TRHDE: variants seen among roughly 807,000 people sequenced by gnomAD.
TRHDE encodes the protein thyrotropin releasing hormone degrading enzyme, also known as thyrotropin-releasing hormone-degrading ectoenzyme.
In TRHDE, 72 loss-of-function variants were observed where a neutral mutation model predicts 125.7. The observed-to-expected ratio is 0.57, with a 90% CI of 0.47 to 0.70. The LOEUF (loss-of-function observed/expected upper bound fraction) is 0.70, where lower values mean the gene tolerates loss of function less well. Among genes scored for constraint, TRHDE ranks in the 30% least tolerant of loss-of-function variants. The probability of loss-of-function intolerance (pLI) is 0.00; values close to 1 mark genes in which losing one functional copy is unlikely to be tolerated. For synonymous variants in TRHDE, 509 were observed against 509.1 expected, an observed-to-expected ratio of 1.00 and a Z score of 0.00; for missense variants, 1,110 against 1,327.1, an observed-to-expected ratio of 0.84 and a Z score of 2.54.
At chr12:72,089,608 A>G (rs1369905286) in intron 1 of TRHDE, among the ~76,000 whole-genome samples, 1 of 152,160 alleles carries the variant, frequency 6.6e-6, no homozygotes, top group Non-Finnish European at 1.5e-5. Flanking sequence ...TATTTGTTCA[A>G]ATCATACCTT....
At chr12:72,642,669 C>A (rs1874113816) in intron 15 of TRHDE, among the ~76,000 whole-genome samples, 1 of 152,048 alleles carries the variant, frequency 6.6e-6, no homozygotes, top group African/African-American at 2.4e-5. Flanking sequence ...TAATAAAATT[C>A]TATTAAAGAA....
At chr12:72,311,729 A>C (rs188954503) in intron 2 of TRHDE, among the ~76,000 whole-genome samples, 1 of 152,170 alleles carries the variant, frequency 6.6e-6, no homozygotes. Context: ...GAGTCAGTAC[A>C]TTTTGGTGGA....
chr12:72,506,984 A>T (rs1257237456), intron 6 of TRHDE, among the ~76,000 whole-genome samples: 1 of 152,162 alleles, frequency 6.6e-6, no homozygotes, highest in African/African-American at 2.4e-5. Flanking sequence ...GTGAGTTCTC[A>T]TGAGATCTGG....
chr12:72,563,343 G>A (rs1265479544), intron 9 of TRHDE, among the ~76,000 whole-genome samples: 4 of 152,142 alleles, frequency 2.6e-5, no homozygotes, highest in African/African-American at 9.7e-5. Flanking sequence ...TGAATTAAAT[G>A]CAAGAAGTTA....
At chr12:72,115,157 C>T (rs181730007) in intron 2 of TRHDE, among the ~76,000 whole-genome samples, 142 of 152,024 alleles carry the variant, frequency 9.3e-4, no homozygotes, top group Middle Eastern at 3.4e-3. Context: ...CCATGTTGTG[C>T]TATCAAATAC....
chr12:72,133,675 T>A (rs1330591983), intron 2 of TRHDE, among the ~76,000 whole-genome samples: 3 of 152,188 alleles, frequency 2.0e-5, no homozygotes, highest in African/African-American at 7.2e-5. Flanking sequence ...CCACTAGGTG[T>A]CCCTTGTTGC....
intron 12 of TRHDE, among the ~76,000 whole-genome samples, chr12:72,597,562 G>C (rs1384775251): frequency 1.3e-5 from 2 of 150,458 alleles, no homozygotes; most frequent in Non-Finnish European, 3.0e-5. Flanking sequence ...CAGCTATTCT[G>C]GGGGCTGAAG....
chr12:72,577,178 A>G (rs1032801964), intron 12 of TRHDE, among the ~76,000 whole-genome samples: 5 of 152,200 alleles, frequency 3.3e-5, no homozygotes, highest in African/African-American at 4.8e-5. Flanking sequence ...GCAGAAAAAG[A>G]GAGAGTGAGG....
chr12:72,568,733 G>A lies in TRHDE; in HGVS notation c.2131+77G>A. On this transcript the variant is annotated intron_variant, in intron 10 of 18. Coordinates refer to ENST00000261180, the MANE Select transcript of TRHDE (RefSeq NM_013381.3). Reference sequence around the variant, plus strand: ...AGCAACTTAACCTCTGGTTTCAGCTGTTATAAAATGTGAATAAAGACAAAT... The same window carrying A: ...AGCAACTTAACCTCTGGTTTCAGCTATTATAAAATGTGAATAAAGACAAAT... 4.3e-6 allele frequency: 4 copies of A among 937,132 alleles called. No individual in the cohort carries two copies. The South Asian group carries it at 6.8e-5, about 16-fold the overall frequency. The allele number at this position is 937,132 out of a possible 1,614,324, so 58.1% of individuals were successfully genotyped here. A position where few individuals can be genotyped will look rare whatever the true frequency, so the allele number is the denominator to read the frequency against.
At chr12:72,289,381 T>C (rs368091418) in intron 2 of TRHDE, among the ~76,000 whole-genome samples, 303 of 152,244 alleles carry the variant, frequency 2.0e-3, no homozygotes, top group African/African-American at 6.9e-3. Context: ...ATTAGAAAGA[T>C]TAAAAAAAAA....
chr12:72,566,511 G>A lies in TRHDE; in HGVS notation c.2043-2057G>A, dbSNP rs377645127. On this transcript the variant is annotated intron_variant, in intron 9 of 18. Transcript: ENST00000261180. ...TGACATGCATGTATTTATGTGAATC[G>A]TTTTCTTGTATTTTAGATATTTTTT... Among the ~76,000 whole-genome samples, 16 of 151,670 alleles carry A rather than the reference G, an allele frequency of 1.1e-4. No homozygotes were observed. In the East Asian group the frequency reaches 2.3e-3, roughly 22 times the overall value.
chr12:72,460,633 T>C (rs184135119), intron 3 of TRHDE, among the ~76,000 whole-genome samples: 1 of 152,300 alleles, frequency 6.6e-6, no homozygotes, highest in East Asian at 1.9e-4. Context: ...ATTCAACCTG[T>C]ATTCTCTGAG....
At chr12:72,113,904 T>TTA (rs1875380895) in intron 2 of TRHDE, among the ~76,000 whole-genome samples, 1 of 152,162 alleles carries the variant, frequency 6.6e-6, no homozygotes, top group Non-Finnish European at 1.5e-5. Context: ...GTGCTACTCA[T>TTA]TATATGGTTT....
intron 2 of TRHDE, among the ~76,000 whole-genome samples, chr12:72,109,272 A>T (rs898148796): frequency 1.3e-5 from 2 of 151,876 alleles, no homozygotes; most frequent in African/African-American, 4.8e-5. Context: ...TAAAGCTTAT[A>T]CTCTTAGCCT....
chr12:72,285,141 A>T (rs1879834774), intron 1 of TRHDE, among the ~76,000 whole-genome samples: 1 of 152,220 alleles, frequency 6.6e-6, no homozygotes, highest in African/African-American at 2.4e-5. Context: ...AAAATAGTGT[A>T]AAATTTATAC....
chr12:72,169,692 A>AAAT (rs1169034432), intron 2 of TRHDE, among the ~76,000 whole-genome samples: 3 of 151,696 alleles, frequency 2.0e-5, no homozygotes, highest in Admixed American at 1.3e-4. Flanking sequence ...CTGTCTCTAT[A>AAAT]AATAATAATA....
chr12:72,345,101 G>A (rs969089510), intron 2 of TRHDE, among the ~76,000 whole-genome samples: 9 of 152,026 alleles, frequency 5.9e-5, no homozygotes, highest in African/African-American at 1.9e-4. Context: ...TAATTAATGA[G>A]GAGTGCAACT....
At chr12:72,540,430 G>A (rs186579019) in intron 6 of TRHDE, among the ~76,000 whole-genome samples, 1 of 151,748 alleles carries the variant, frequency 6.6e-6, no homozygotes. Flanking sequence ...AAGCATTCTT[G>A]TGTCATTAGA....
chr12:72,397,401 A>G (rs1187821512), intron 3 of TRHDE, among the ~76,000 whole-genome samples: 1 of 152,088 alleles, frequency 6.6e-6, no homozygotes, highest in Admixed American at 6.5e-5. Context: ...TGTCCATTCT[A>G]TTGTCAAACA....
Sources: gnomAD v4.1 joint callset for allele counts (sites outside exome capture counted in the v4.1 genomes callset) on GRCh38, gnomAD v4.1.1 for gene constraint, MANE v1.5 for transcripts, NCBI Gene and HGNC (gene_info 2026-07-23, HGNC 2026-07-21) for gene names.